Variants in TG observed in about 807,000 individuals in gnomAD.
TG encodes thyroid hormones.
TG carries 270 observed loss-of-function variants against 324.7 expected under a neutral mutation model. The observed-to-expected ratio is 0.83, with a 90% CI of 0.75 to 0.92. TG has a LOEUF of 0.92. TG is among the 40% of genes least tolerant of loss of function. The pLI is 0.00. For synonymous variants in TG, 1,401 were observed against 1,327.0 expected (o/e 1.06, Z -1.21); for missense variants, 3,591 against 3,456.4 (o/e 1.04, Z -0.98).
At chr8:133,021,832 A>C (rs1000201996) in intron 39 of TG, among the ~76,000 whole-genome samples, 159 bp from the exon 40 acceptor site, 4 of 152,140 alleles carry the variant, frequency 2.6e-5, no homozygotes, top group Admixed American at 1.3e-4. Flanking sequence ...CTAGGACTTC[A>C]ATGTATAAAT....
intron 41 of TG, among the ~76,000 whole-genome samples, chr8:133,069,029 C>A (rs1216043155): frequency 6.6e-6 from 1 of 152,228 alleles, no homozygotes; most frequent in Non-Finnish European, 1.5e-5. Context: ...TTATTTTAAT[C>A]CTAGCCATTA....
Position 132,899,131 on chromosome 8 carries a change from C to T in TG, c.3330+221C>T, listed in dbSNP as rs201332002. The T allele has an allele frequency of 8.6e-6, 5 of 584,248 alleles. No homozygotes were observed. The East Asian group carries it at 1.5e-4, about 17-fold the overall frequency. 36.2% of individuals were successfully genotyped at this position (584,248 alleles called of 1,614,324 possible). A position where few individuals can be genotyped will look rare whatever the true frequency, so the allele number is the denominator to read the frequency against. The stretch of plus-strand genomic sequence containing the variant: ...TTTGTTTAATCATAAGATCAGGCCA[C>T]ATTTTGTCCTAGCTAATGCTAGGTT... On this transcript the variant is annotated intron_variant, in intron 14 of 47. Transcript: ENST00000220616.
At position 132,908,169 on chromosome 8, in the gene TG, C is replaced by T. The variant is rs779359733; in HGVS notation, c.3848-17C>T. On this transcript the variant is annotated splice_polypyrimidine_tract_variant and intron_variant, in intron 17 of 47. Transcript: ENST00000220616. ...ACAGGCCCATTGCCTCTGCTGATCTCTGGTGCTTGCCTGCAGGGCCCCAGC... is the reference window on the plus strand; with the variant it reads ...ACAGGCCCATTGCCTCTGCTGATCTTTGGTGCTTGCCTGCAGGGCCCCAGC... The T allele has an allele frequency of 1.5e-5, 25 of 1,613,640 alleles. No individual in the cohort carries two copies. The highest frequency in any genetic ancestry group is 2.0e-5 in the Non-Finnish European group (24 of 1,180,002).
At chr8:133,031,670 G>A (rs1836653494) in intron 41 of TG, among the ~76,000 whole-genome samples, 1 of 152,140 alleles carries the variant, frequency 6.6e-6, no homozygotes, top group South Asian at 2.1e-4. Context: ...AAGTGTCATT[G>A]TTTGGGCGCA....
intron 43 of TG, among the ~76,000 whole-genome samples, chr8:133,111,856 A>G (rs2979035): frequency 0.25 from 37,784 of 152,292 alleles, 4,911 homozygotes; most frequent in South Asian, 0.31. Flanking sequence ...TGTTATTGAT[A>G]GAATGAGAAC....
chr8:132,910,355 A>G (rs1819336058), intron 18 of TG, among the ~76,000 whole-genome samples: 3 of 152,332 alleles, frequency 2.0e-5, no homozygotes, highest in South Asian at 4.1e-4. Context: ...GACAGAGTTC[A>G]CTTTCCTTCT....
chr8:133,034,538 G>A (rs145482034), intron 41 of TG, among the ~76,000 whole-genome samples: 40 of 152,252 alleles, frequency 2.6e-4, no homozygotes, highest in Middle Eastern at 3.4e-3. Context: ...AAGTTTCCTC[G>A]TTATTCTGCA....
Position 133,017,832 on chromosome 8 carries a change from A to G in TG, c.6617A>G (p.His2206Arg). The G allele has an allele frequency of 6.2e-7, 1 of 1,614,060 alleles. No homozygotes were observed. Among genetic ancestry groups the G allele is most frequent in the Non-Finnish European group, 8.5e-7 (1 of 1,180,010 alleles). Residue 2206 changes from histidine (H) to arginine (R), a missense_variant, in exon 38 of 48, where the codon CAT becomes CGT. His to Arg is a conservative substitution (Grantham distance 29, BLOSUM62 0). Transcript: ENST00000220616. ...GTACCTTCTGTGCCCATTTCCACCC[A>G]TGGCCGGCTGCTGGGCAGGTCCCAG... is the stretch of plus-strand genomic sequence containing the variant. ...ASVPSVPIST[H>R]GRLLGRSQAI...
At chr8:133,094,627 G>A in intron 41 of TG, 1 of 294,460 alleles carries the variant, frequency 3.4e-6, no homozygotes, top group Non-Finnish European at 6.7e-6. Flanking sequence ...CCATCTTAAT[G>A]CAGCTTGCTA....
At chr8:133,005,658 G>A (rs1833955990) in intron 35 of TG, among the ~76,000 whole-genome samples, 2 of 152,230 alleles carry the variant, frequency 1.3e-5, no homozygotes, top group African/African-American at 4.8e-5. Flanking sequence ...GTCACACAGT[G>A]TAGTCTGGCT....
chr8:133,027,250 G>C (rs1836181006), intron 40 of TG, among the ~76,000 whole-genome samples: 2 of 152,342 alleles, frequency 1.3e-5, no homozygotes, highest in African/African-American at 4.8e-5. Context: ...CTTGCTGGGT[G>C]CTCTGAGCAG....
At chr8:133,096,413 T>C in intron 43 of TG, 40 bp downstream of exon 43, 1 of 1,612,570 alleles carries the variant, frequency 6.2e-7, no homozygotes, top group Non-Finnish European at 8.5e-7. Context: ...CAGCTGGGCA[T>C]TTCCTAAGGG....
rs1375380724 is a variant in TG at position 133,132,098 on chromosome 8, A to T, written c.7997+152A>T. On this transcript the variant is annotated intron_variant, in intron 46 of 47. Coordinates refer to ENST00000220616, the MANE Select transcript of TG (RefSeq NM_003235.5). ...AGCCACTGGCCTCCCTGTCTCAGTC[A>T]CCCCCTCCTAGCCAAAACTGCTTTT... is the stretch of plus-strand genomic sequence containing the variant. 5 of 1,212,566 alleles carry T rather than the reference A, an allele frequency of 4.1e-6. No homozygotes were observed. The East Asian group carries it at 1.2e-4, about 29-fold the overall frequency. 75.1% of individuals were successfully genotyped at this position (1,212,566 alleles called of 1,614,324 possible).
chr8:132,901,328 C>A (rs919939935), intron 15 of TG, 25 bp from the exon 16 acceptor site: 3 of 1,613,650 alleles, frequency 1.9e-6, no homozygotes, highest in South Asian at 1.1e-5. Flanking sequence ...GATTCCCCAG[C>A]CCATCTGGCT....
At chr8:133,030,684 C>G (rs972848654) in intron 41 of TG, among the ~76,000 whole-genome samples, 1 of 152,190 alleles carries the variant, frequency 6.6e-6, no homozygotes, top group Non-Finnish European at 1.5e-5. Context: ...GGGACAAATG[C>G]TTAAAGCAGA....
chr8:133,096,113 C>A, intron 42 of TG, 93 bp from the exon 43 acceptor site: 1 of 1,468,840 alleles, frequency 6.8e-7, no homozygotes. Context: ...GATGGATAAC[C>A]AGTATTGGCA....
Position 133,113,573 on chromosome 8 carries a change from C to T in TG, c.7724C>T (p.Ser2575Phe), listed in dbSNP as rs771026858. Residue 2575 changes from serine (S) to phenylalanine (F), a missense_variant, in exon 44 of 48, where the codon TCC becomes TTC. Physicochemically the swap from Ser to Phe is radical, Grantham distance 155. Transcript: ENST00000220616. ...SLEHSTDDYA[S>F]FSRALENATR... ...GAGCACTCCACGGATGACTATGCCT[C>T]CTTCTCCCGGGCTCTGGAGAATGCC... 1.1e-5 allele frequency: 17 copies of T among 1,614,144 alleles called. No homozygotes were observed. In the East Asian group the frequency reaches 3.8e-4, roughly 36 times the overall value.
rs779258863 is a variant in TG, at chr8:132,941,549, T to C, written c.5233+7T>C. 15 of 1,614,120 alleles carry C rather than the reference T, an allele frequency of 9.3e-6. No individual in the cohort carries two copies. The East Asian group carries it at 3.3e-4, about 36-fold the overall frequency. On this transcript the variant is annotated splice_region_variant and intron_variant, in intron 26 of 47. Coordinates refer to ENST00000220616, the MANE Select transcript of TG (RefSeq NM_003235.5). ...CTCACACAGGTTCAAGGAGGTAATG[T>C]TGGCAGTGAGGGCCAGGGCCTAACA...
chr8:132,992,378 G>A (rs10956686), intron 35 of TG, among the ~76,000 whole-genome samples: 47,604 of 152,152 alleles, frequency 0.31, 7,653 homozygotes, highest in Non-Finnish European at 0.34. Flanking sequence ...AATCAATTCT[G>A]TGTGGCTTCA....
Sources: allele counts gnomAD v4.1 joint callset (sites outside exome capture counted in the v4.1 genomes callset), GRCh38; gene constraint gnomAD v4.1.1; transcripts MANE v1.5; gene names NCBI Gene and HGNC (gene_info 2026-07-23, HGNC 2026-07-21).